SPATS2: variants seen among roughly 807,000 people sequenced by gnomAD.
SPATS2 encodes the protein spermatogenesis associated serine rich 2.
In SPATS2, 38 loss-of-function variants were observed where a neutral mutation model predicts 63.7. That is an observed-to-expected ratio of 0.60 (90% CI 0.46 to 0.78). The LOEUF (loss-of-function observed/expected upper bound fraction) is 0.78, where lower values mean the gene tolerates loss of function less well. Ranked by LOEUF, SPATS2 falls within the 30% of genes least tolerant of loss-of-function variation. The pLI is 0.00. For synonymous variants in SPATS2, 207 were observed against 232.9 expected (o/e 0.89, Z 1.01); for missense variants, 588 against 666.2 (o/e 0.88, Z 1.29).
intron 2 of SPATS2, among the ~76,000 whole-genome samples, chr12:49,455,923 C>G (rs1945711509): frequency 6.6e-6 from 1 of 152,136 alleles, no homozygotes; most frequent in African/African-American, 2.4e-5. Flanking sequence ...TGCCCAGGTC[C>G]CTTAGTCTTG....
chr12:49,383,093 A>G (rs988404534), intron 2 of SPATS2, among the ~76,000 whole-genome samples: 29 of 148,204 alleles, frequency 2.0e-4, no homozygotes, highest in Non-Finnish European at 3.6e-4. Context: ...TTTTGGCTCA[A>G]TGCAGCCTCC....
intron 3 of SPATS2, among the ~76,000 whole-genome samples, chr12:49,482,486 C>T (rs574971221): frequency 6.6e-6 from 1 of 152,112 alleles, no homozygotes; most frequent in Non-Finnish European, 1.5e-5. Flanking sequence ...TAACTGCTTC[C>T]TCCTCACACT....
chr12:49,410,414 G>A (rs913572757), intron 2 of SPATS2, among the ~76,000 whole-genome samples: 13 of 152,140 alleles, frequency 8.5e-5, no homozygotes, highest in East Asian at 5.8e-4. Context: ...CCATGTATCT[G>A]AAAAAAAGTT....
At chr12:49,475,049 T>C (rs1396815371) in intron 3 of SPATS2, among the ~76,000 whole-genome samples, 2 of 152,074 alleles carry the variant, frequency 1.3e-5, no homozygotes, top group African/African-American at 4.8e-5. Context: ...GATTCAGTCA[T>C]CTCCCACCGG....
intron 2 of SPATS2, among the ~76,000 whole-genome samples, chr12:49,441,993 A>G (rs1194957322): frequency 3.3e-5 from 5 of 152,200 alleles, no homozygotes; most frequent in African/African-American, 9.7e-5. Context: ...TCTTCAGGAA[A>G]CAATTCTACG....
rs957856385 is a variant in SPATS2, at chr12:49,499,835, T to A, written c.704-235T>A. ...TTGTTTCATATATTTTGTCTTTGTATGTTTTTAGTTGTTTAAGATAGAAGA... is the reference window on the plus strand; with the variant it reads ...TTGTTTCATATATTTTGTCTTTGTAAGTTTTTAGTTGTTTAAGATAGAAGA... On this transcript the variant is annotated intron_variant, in intron 8 of 13. Transcript: ENST00000552918. Among the ~76,000 whole-genome samples, 4 of 152,330 alleles carry A rather than the reference T, an allele frequency of 2.6e-5. No homozygotes were observed. In the East Asian group the frequency reaches 7.7e-4, roughly 29 times the overall value.
intron 6 of SPATS2, 142 bp from the exon 7 acceptor site, chr12:49,494,599 A>G: frequency 1.3e-6 from 1 of 785,874 alleles, no homozygotes; most frequent in East Asian, 2.8e-5. Flanking sequence ...AGTTCAGCAT[A>G]TGTGAAAATA....
intron 2 of SPATS2, among the ~76,000 whole-genome samples, chr12:49,455,321 C>T (rs151189494): frequency 8.5e-5 from 13 of 152,188 alleles, no homozygotes; most frequent in East Asian, 1.9e-4. Context: ...GCTATGTGTA[C>T]GCTTATGGTC....
intron 2 of SPATS2, among the ~76,000 whole-genome samples, chr12:49,379,550 CAAAAAAA>C (rs565753035): frequency 3.3e-4 from 15 of 45,034 alleles, no homozygotes; most frequent in East Asian, 8.1e-4. Context: ...GAATCCGTCT[CAAAAAAA>C]AAAAAAAAAA....
chr12:49,391,099 T>G (rs1944410056), intron 2 of SPATS2, among the ~76,000 whole-genome samples: 1 of 152,250 alleles, frequency 6.6e-6, no homozygotes. Context: ...CTGGATCTGT[T>G]TTTAAACTCC....
intron 2 of SPATS2, among the ~76,000 whole-genome samples, chr12:49,399,295 T>C (rs946173738): frequency 2.0e-5 from 3 of 152,182 alleles, no homozygotes; most frequent in Non-Finnish European, 4.4e-5. Context: ...CAGAAGCACT[T>C]TTAGCTTTTT....
At chr12:49,379,623 ATTT>A (rs529791925) in intron 2 of SPATS2, among the ~76,000 whole-genome samples, 6 of 129,520 alleles carry the variant, frequency 4.6e-5, no homozygotes, top group Non-Finnish European at 3.3e-5. Flanking sequence ...ATCTAGTTCA[ATTT>A]TTTTTTTTTT....
rs1399894148 is a variant in SPATS2 at position 49,450,264 on chromosome 12, T to A, written c.-243-10506T>A. ...TTTTTTAAATTTTATTTATTTATTT[T>A]TTTGAGATGGAGTCTCGCTCTTTTG... On this transcript the variant is annotated intron_variant, in intron 2 of 13. Coordinates refer to ENST00000552918, the MANE Select transcript of SPATS2 (RefSeq NM_023071.4). Among the ~76,000 whole-genome samples, 43 of 152,074 alleles carry A rather than the reference T, an allele frequency of 2.8e-4. 1 individual carries two copies.
At chr12:49,459,557 C>T (rs1945781340) in intron 2 of SPATS2, among the ~76,000 whole-genome samples, 1 of 151,328 alleles carries the variant, frequency 6.6e-6, no homozygotes, top group Admixed American at 6.6e-5. Flanking sequence ...CATGTTGGTC[C>T]GGCTGGTCTT....
At position 49,460,878 on chromosome 12, in the gene SPATS2, G is replaced by C; in HGVS notation, c.-135G>C. On this transcript the variant is annotated 5_prime_UTR_variant, in exon 3 of 14. Transcript: ENST00000552918. ...CAGCTAGTGAGCAGAATTTCGAACA[G>C]CAGGATTTCGTATTTTTTGCTTCCA... The C allele has an allele frequency of 1.2e-6, 1 of 849,060 alleles. No homozygotes were observed. The highest frequency in any genetic ancestry group is 1.6e-5 in the South Asian group (1 of 63,504). The allele number at this position is 849,060 out of a possible 1,614,324, so 52.6% of individuals were successfully genotyped here. A position where few individuals can be genotyped will look rare whatever the true frequency, so the allele number is the denominator to read the frequency against.
intron 2 of SPATS2, among the ~76,000 whole-genome samples, chr12:49,430,099 G>GTTTTTT (rs536889902): frequency 9.1e-5 from 9 of 98,426 alleles, no homozygotes; most frequent in South Asian, 3.3e-4. Context: ...CATATTTCTT[G>GTTTTTT]TTTTTTTTTT....
Position 49,459,501 on chromosome 12 carries a change from A to G in SPATS2, c.-243-1269A>G, listed in dbSNP as rs377356015. Among the ~76,000 whole-genome samples, 5 of 151,912 alleles carry G rather than the reference A, an allele frequency of 3.3e-5. No individual in the cohort carries two copies. The South Asian group carries it at 1.0e-3, about 32-fold the overall frequency. On this transcript the variant is annotated intron_variant, in intron 2 of 13. Coordinates refer to ENST00000552918, the MANE Select transcript of SPATS2 (RefSeq NM_023071.4). ...GTAGCTGAGATTACAGGCATGCACC[A>G]CTATGCCCAGCTAATTTTGTATTTT... is the stretch of plus-strand genomic sequence containing the variant.
intron 2 of SPATS2, among the ~76,000 whole-genome samples, chr12:49,420,273 C>G (rs1944956975): frequency 6.6e-6 from 1 of 152,114 alleles, no homozygotes; most frequent in African/African-American, 2.4e-5. Flanking sequence ...GATTAAAAAA[C>G]AGGCAAAAAT....
intron 2 of SPATS2, among the ~76,000 whole-genome samples, chr12:49,391,776 T>A (rs912062364): frequency 8.5e-5 from 13 of 152,172 alleles, no homozygotes; most frequent in African/African-American, 2.9e-4. Context: ...TGGTAATTTT[T>A]ATGTATAATT....
Sources: gnomAD v4.1 joint callset for allele counts (sites outside exome capture counted in the v4.1 genomes callset) on GRCh38, gnomAD v4.1.1 for gene constraint, MANE v1.5 for transcripts, NCBI Gene and HGNC (gene_info 2026-07-23, HGNC 2026-07-21) for gene names.